The following MYH8 variants were observed in gnomAD, a reference collection of about 807,000 sequenced individuals.
The protein encoded by MYH8 is myosin-8.
MYH8 carries 168 observed loss-of-function variants against 233.2 expected under a neutral mutation model. The observed-to-expected ratio is 0.72, with a 90% CI of 0.64 to 0.82. The LOEUF is 0.82. Ranked by LOEUF, MYH8 falls within the 40% of genes least tolerant of loss-of-function variation. MYH8 has a pLI of 0.00. For missense variants in MYH8, 1,995 were observed against 2,327.8 expected (o/e 0.86, Z 2.94); for synonymous variants, 785 against 850.6 (o/e 0.92, Z 1.34).
At chr17:10,395,569 G>A in intron 33 of MYH8, 128 bp from the exon 34 acceptor site, 1 of 908,520 alleles carries the variant, frequency 1.1e-6, no homozygotes, top group Non-Finnish European at 1.7e-6. Context: ...GTAGTTCTGG[G>A]AATCTTCTAG....
chr17:10,410,011 A>G (rs2072230498), intron 15 of MYH8, among the ~76,000 whole-genome samples: 1 of 152,222 alleles, frequency 6.6e-6, no homozygotes, highest in African/African-American at 2.4e-5. Flanking sequence ...ATTTCTTTAA[A>G]ATAGATTATA....
At position 10,394,436 on chromosome 17, in the gene MYH8, A is replaced by G. The variant is rs764767647; in HGVS notation, c.4979T>C (p.Leu1660Pro). The G allele has an allele frequency of 1.9e-6, 3 of 1,614,164 alleles. No individual in the cohort carries two copies. The highest frequency in any genetic ancestry group is 1.3e-5 in the African/African-American group (1 of 75,052). ...QGILKETQLH[L>P]DDALRGQEDL... is the part of the protein sequence containing the mutation. ...CTCCTGGCCCCGGAGAGCATCATCC[A>G]GGTGGAGCTGGGTTTCCTAATAAGT... The change falls in exon 35 of 40, where the codon CTG (leucine) becomes CCG (proline). Residue 1660 changes from leucine (L) to proline (P), a missense_variant. Leu to Pro is a moderately conservative substitution (Grantham distance 98). Coordinates refer to ENST00000403437, the MANE Select transcript of MYH8 (RefSeq NM_002472.3).
intron 9 of MYH8, 122 bp downstream of exon 9, chr17:10,414,994 A>G: frequency 1.1e-6 from 1 of 883,000 alleles, no homozygotes; most frequent in Non-Finnish European, 1.9e-6. Flanking sequence ...ATTAGCTTAC[A>G]GGCAGTACTG....
In MYH8 at chr17:10,406,785, C is replaced by T. The variant is rs1176693017; in HGVS notation, c.2076G>A (p.Val692=). 5.0e-6 allele frequency: 8 copies of T among 1,614,036 alleles called. No individual in the cohort carries two copies. The Admixed American group carries it at 1.3e-4, about 27-fold the overall frequency. ...KTPGAMEHEL[V]LHQLRCNGVL... The stretch of plus-strand genomic sequence containing the variant: ...CACCATTACACCTCAGCTGGTGCAA[C>T]ACAAGTTCATGTTCCATTGCCCCTA... Residue 692 remains valine (V), a synonymous_variant, in exon 19 of 40, where the codon GTG becomes GTA. Coordinates refer to ENST00000403437, the MANE Select transcript of MYH8 (RefSeq NM_002472.3).
chr17:10,412,764 A>G, intron 12 of MYH8, 36 bp from the exon 13 acceptor site: 1 of 1,498,080 alleles, frequency 6.7e-7, no homozygotes, highest in South Asian at 1.1e-5. Context: ...TTGTTTCATG[A>G]AGGATATCCT....
At chr17:10,403,509 A>G (rs1467630942) in intron 22 of MYH8, among the ~76,000 whole-genome samples, 1 of 152,072 alleles carries the variant, frequency 6.6e-6, no homozygotes. Context: ...TATTTTTAAT[A>G]GTGATACACT....
In MYH8 at chr17:10,401,149, G is replaced by A. The variant is rs917329592; in HGVS notation, c.3151C>T (p.Leu1051=). 1 of 1,613,860 alleles carries A rather than the reference G, an allele frequency of 6.2e-7. No individual in the cohort carries two copies. The highest frequency in any genetic ancestry group is 8.5e-7 in the Non-Finnish European group (1 of 1,179,992). The part of the protein sequence containing the change: ...LEQEKKLRMD[L]ERAKRKLEGD... The stretch of plus-strand genomic sequence containing the variant: ...TCCAGTTTCCGCTTTGCTCTTTCTA[G>A]ATCCATTCGAAGCTTCTTTTCTTGT... The change falls in exon 25 of 40, where the codon CTA becomes TTA. Residue 1051 remains leucine (L), a synonymous_variant. Coordinates refer to ENST00000403437, the MANE Select transcript of MYH8 (RefSeq NM_002472.3).
In MYH8 at chr17:10,405,973, T is replaced by A. The variant is rs192957555; in HGVS notation, c.2432+68A>T. 2,340 of 1,571,666 alleles carry A rather than the reference T, an allele frequency of 1.5e-3. 2 individuals carry two copies. The highest frequency in any genetic ancestry group is 1.9e-3 in the Non-Finnish European group (2,139 of 1,145,064). On this transcript the variant is annotated intron_variant, in intron 21 of 39. Coordinates refer to ENST00000403437, the MANE Select transcript of MYH8 (RefSeq NM_002472.3). ...ATTAGCCACCAAATGAAAGAATTAA[T>A]GAATGAACAAGACTGATTGATAGTC...
At chr17:10,399,743 T>G in intron 27 of MYH8, 74 bp from the exon 28 acceptor site, 1 of 1,587,826 alleles carries the variant, frequency 6.3e-7, no homozygotes, top group Non-Finnish European at 8.6e-7. Context: ...CTTAAAATAT[T>G]TGTAGAGTAA....
In MYH8 at chr17:10,398,757, G is replaced by A. The variant is rs766247254; in HGVS notation, c.3981+11C>T. 8 of 1,613,692 alleles carry A rather than the reference G, an allele frequency of 5.0e-6. No individual in the cohort carries two copies. The African/African-American group carries it at 9.3e-5, about 19-fold the overall frequency. ...ATTTGGTTAGTCAAAAAAATCCTTGGCAAAACTCACTTTAGTTTCTTCCTC... is the reference window on the plus strand; with the variant it reads ...ATTTGGTTAGTCAAAAAAATCCTTGACAAAACTCACTTTAGTTTCTTCCTC... On this transcript the variant is annotated intron_variant, in intron 29 of 39. Transcript: ENST00000403437.
In MYH8 at chr17:10,415,325, G is replaced by A. The variant is rs2072280128; in HGVS notation, c.708C>T (p.Ala236=). Residue 236 remains alanine (A), a synonymous_variant, in exon 8 of 40, where the codon GCC becomes GCT. Coordinates refer to ENST00000403437, the MANE Select transcript of MYH8 (RefSeq NM_002472.3). The surrounding 1 kb of genome is among the most constrained non-coding windows in gnomAD (Gnocchi z 4.1). Reference sequence around the variant, plus strand: ...AGGAGTTGTCATTCCTCACAGTTTTGGCATTGCCAAAGGCCTCCAGTAGGG... The same window carrying A: ...AGGAGTTGTCATTCCTCACAGTTTTAGCATTGCCAAAGGCCTCCAGTAGGG... ...ANPLLEAFGN[A]KTVRNDNSSR... is the part of the protein sequence containing the mutation. The A allele has an allele frequency of 3.7e-6, 6 of 1,614,038 alleles. No individual in the cohort carries two copies. In the Admixed American group the frequency reaches 1.0e-4, roughly 27 times the overall value.
At chr17:10,402,347 T>C (rs2072150767) in intron 22 of MYH8, among the ~76,000 whole-genome samples, 1 of 152,208 alleles carries the variant, frequency 6.6e-6, no homozygotes, top group African/African-American at 2.4e-5. Context: ...CCATGTAGTA[T>C]TTTTTAATAC....
intron 28 of MYH8, 80 bp from the exon 29 acceptor site, chr17:10,398,966 G>T: frequency 4.2e-6 from 3 of 712,890 alleles, no homozygotes; most frequent in Non-Finnish European, 4.9e-6. Context: ...ATGTGTGTGT[G>T]TATATATATA....
rs1567687326 is a variant in MYH8, at chr17:10,409,361, ATTCAGGGGGTCC to A, written c.1803_1814del (p.Lys601_Leu604del). The A allele has an allele frequency of 6.2e-7, 1 of 1,614,242 alleles. No homozygotes were observed. Reference sequence around the variant, plus strand: ...TCTGGTACAGCCCAACCACAGTATCATTCAGGGGGTCCTTATTTTTGTCCAGCCAGCCAGTAA... The same window carrying A: ...TCTGGTACAGCCCAACCACAGTATCATTATTTTTGTCCAGCCAGCCAGTAA... On this transcript the variant is annotated inframe_deletion, in exon 16 of 40. Transcript: ENST00000403437.
In MYH8 at chr17:10,395,170, C is replaced by T. The variant is rs763838601; in HGVS notation, c.4925G>A (p.Ser1642Asn). Residue 1642 changes from serine to asparagine, a missense_variant, in exon 34 of 40, where the codon AGT becomes AAT. This residue lies in a region of MYH8 where 1,498 missense variants were observed against 1,680.9 expected (regional missense o/e 0.89). Coordinates refer to ENST00000403437, the MANE Select transcript of MYH8 (RefSeq NM_002472.3). ...LNHANRLAAESLRNYRNTQGI... is the reference protein window; with the variant it reads ...LNHANRLAAENLRNYRNTQGI... ...TTGGGTGTTCCTGTAGTTCCTTAAA[C>T]TCTCTGCAGCTAAGCGATTGGCATG... is the stretch of plus-strand genomic sequence containing the variant. 6.2e-6 allele frequency: 10 copies of T among 1,613,832 alleles called. No homozygotes were observed. The highest frequency in any genetic ancestry group is 2.2e-5 in the East Asian group (1 of 44,888).
At position 10,394,299 on chromosome 17, in the gene MYH8, C is replaced by T. The variant is rs776869211; in HGVS notation, c.5116G>A (p.Glu1706Lys). The change falls in exon 35 of 40, where the codon GAA (glutamate) becomes AAA (lysine). Residue 1706 changes from glutamate to lysine, a missense_variant. By Grantham distance (56) the Glu-to-Lys change is moderately conservative. Transcript: ENST00000403437. ...EQTERSRKIA[E>K]QELLDASERV... is the part of the protein sequence containing the mutation. ...TCACTGGCATCCAGGAGCTCCTGTT[C>T]GGCGATTTTCCTGCTTCTCTCTGTC... 1.4e-5 allele frequency: 23 copies of T among 1,613,866 alleles called. No individual in the cohort carries two copies. Among genetic ancestry groups the T allele is most frequent in the Middle Eastern group, 3.3e-4 (2 of 6,078 alleles).
chr17:10,395,186 G>C lies in MYH8; in HGVS notation c.4909C>G (p.Arg1637Gly), dbSNP rs544145292. 6.2e-7 allele frequency: 1 copy of C among 1,614,102 alleles called. No homozygotes were observed. The highest frequency in any genetic ancestry group is 1.1e-5 in the South Asian group (1 of 91,082). Residue 1637 changes from arginine to glycine, a missense_variant, in exon 34 of 40, where the codon CGC becomes GGC. Coordinates refer to ENST00000403437, the MANE Select transcript of MYH8 (RefSeq NM_002472.3). The part of the protein sequence containing the change: ...EMEIQLNHAN[R>G]LAAESLRNYR... The stretch of plus-strand genomic sequence containing the variant: ...TTCCTTAAACTCTCTGCAGCTAAGC[G>C]ATTGGCATGGTTCAGCTGGATTTCC...
intron 28 of MYH8, 76 bp from the exon 29 acceptor site, chr17:10,398,962 G>C: frequency 2.6e-6 from 2 of 776,218 alleles, no homozygotes; most frequent in Admixed American, 3.6e-5. Flanking sequence ...ATATATGTGT[G>C]TGTGTATATA....
At position 10,396,292 on chromosome 17, in the gene MYH8, C is replaced by T. The variant is rs2072077676; in HGVS notation, c.4653+38G>A. On this transcript the variant is annotated intron_variant, in intron 33 of 39. Transcript: ENST00000403437. This position sits in a 1 kb window ranked among gnomAD's most constrained non-coding sequence, Gnocchi z 4.2. ...CCACTTTTTTTTAACTGATGTTTGT[C>T]TTTGTTTTTCCATAACATAATACAA... 6.2e-7 allele frequency: 1 copy of T among 1,610,758 alleles called. No individual in the cohort carries two copies. Among genetic ancestry groups the T allele is most frequent in the Non-Finnish European group, 8.5e-7 (1 of 1,178,680 alleles).
Sources: allele counts gnomAD v4.1 joint callset (sites outside exome capture counted in the v4.1 genomes callset), GRCh38; gene constraint gnomAD v4.1.1; regional missense constraint gnomAD v4.1.1; non-coding constraint Gnocchi (gnomAD v3.1); transcripts MANE v1.5; gene names NCBI Gene and HGNC (gene_info 2026-07-23, HGNC 2026-07-21).